NOTCH2NLC: variants seen among roughly 807,000 people sequenced by gnomAD.
The protein encoded by NOTCH2NLC is notch 2 N-terminal like C, also known as notch homolog 2 N-terminal-like protein C.
A neutral mutation model predicts 17.7 loss-of-function variants in NOTCH2NLC; 4 were observed. That is an observed-to-expected ratio of 0.23 (90% CI 0.11 to 0.52). NOTCH2NLC has a LOEUF of 0.52. Ranked by LOEUF, NOTCH2NLC falls within the 20% of genes least tolerant of loss-of-function variation. NOTCH2NLC has a pLI of 0.96. For missense variants in NOTCH2NLC, 57 were observed against 207.2 expected (o/e 0.28, Z 4.45); for synonymous variants, 18 against 86.0 (o/e 0.21, Z 4.38).
chr1:149,449,002 C>T (rs1272429178), intron 2 of NOTCH2NLC, among the ~76,000 whole-genome samples: 1 of 147,460 alleles, frequency 6.8e-6, no homozygotes, highest in Non-Finnish European at 1.5e-5. Flanking sequence ...CTGCCTCAGC[C>T]TCCCGAGTAG....
chr1:149,468,906 A>C lies in NOTCH2NLC; in HGVS notation c.*4753A>C. 9.9e-6 allele frequency among the ~76,000 whole-genome samples: 1 copy of C among 101,278 alleles called. No homozygotes were observed. Among genetic ancestry groups the C allele is most frequent in the African/African-American group, 3.7e-5 (1 of 27,114 alleles). 66.4% of individuals were successfully genotyped at this position (101,278 alleles called of 152,430 possible). On this transcript the variant is annotated 3_prime_UTR_variant, in exon 5 of 5. Coordinates refer to ENST00000650865, the MANE Select transcript of NOTCH2NLC (RefSeq NM_001364013.2). ...CTGGTTGGATAGGGATAGGTCAGGG[A>C]TTCCCTCTTGCATTCTCACACTTGG...
chr1:149,445,871 G>T lies in NOTCH2NLC; in HGVS notation c.210-9447G>T, dbSNP rs1296357089. Among the ~76,000 whole-genome samples the T allele has an allele frequency of 2.7e-4, 21 of 77,920 alleles. 1 individual carries two copies. The highest frequency in any genetic ancestry group is 1.9e-3 in the Admixed American group (12 of 6,388). 51.1% of individuals were successfully genotyped at this position (77,920 alleles called of 152,430 possible). ...GGTGGGGTTTTGCTTTGTTGTTGTT[G>T]TTTTTTTTTGAATGGCCAAATCCTC... On this transcript the variant is annotated intron_variant, in intron 2 of 4. Coordinates refer to ENST00000650865, the MANE Select transcript of NOTCH2NLC (RefSeq NM_001364013.2).
intron 1 of NOTCH2NLC, among the ~76,000 whole-genome samples, chr1:149,424,832 C>T (rs2084403861): frequency 6.6e-6 from 1 of 150,972 alleles, no homozygotes; most frequent in East Asian, 2.0e-4. Flanking sequence ...TGTAACATGG[C>T]AAGAGAGGAG....
chr1:149,413,843 TG>T (rs1430847474), intron 1 of NOTCH2NLC, among the ~76,000 whole-genome samples: 1 of 151,184 alleles, frequency 6.6e-6, no homozygotes, highest in East Asian at 2.0e-4. Context: ...ATTTTCAGCA[TG>T]GTGAGGTGAT....
intron 1 of NOTCH2NLC, among the ~76,000 whole-genome samples, chr1:149,409,358 G>T (rs1376745351): frequency 2.0e-5 from 3 of 150,474 alleles, no homozygotes; most frequent in African/African-American, 7.3e-5. Flanking sequence ...GTGTTGGGAG[G>T]AGGAATAGAC....
chr1:149,436,769 T>G (rs1302416983), intron 2 of NOTCH2NLC, among the ~76,000 whole-genome samples: 3 of 148,344 alleles, frequency 2.0e-5, no homozygotes, highest in South Asian at 4.3e-4. Context: ...CGGTGCCTAT[T>G]TAGCTGAACA....
chr1:149,432,225 T>A (rs1166416967), intron 2 of NOTCH2NLC, among the ~76,000 whole-genome samples: 2 of 147,720 alleles, frequency 1.4e-5, no homozygotes, highest in Admixed American at 1.4e-4. Context: ...TTACCAGGAA[T>A]GTAATTACAA....
chr1:149,395,815 CT>C (rs1356621940), intron 1 of NOTCH2NLC, among the ~76,000 whole-genome samples: 284 of 135,972 alleles, frequency 2.1e-3, no homozygotes, highest in Middle Eastern at 7.6e-3. Flanking sequence ...AGTATATTTG[CT>C]TTTTTTTTTT....
At chr1:149,398,591 C>G (rs2084222139) in intron 1 of NOTCH2NLC, among the ~76,000 whole-genome samples, 1 of 150,874 alleles carries the variant, frequency 6.6e-6, no homozygotes, top group Admixed American at 6.6e-5. Flanking sequence ...CTACTAGCTC[C>G]CCAATAGTTT....
chr1:149,437,083 T>C (rs2084486606), intron 2 of NOTCH2NLC, among the ~76,000 whole-genome samples: 1 of 130,252 alleles, frequency 7.7e-6, no homozygotes, highest in Non-Finnish European at 1.7e-5. Flanking sequence ...TAATTACCAG[T>C]TCATTAACTT....
chr1:149,400,139 A>ATT (rs1176135315), intron 1 of NOTCH2NLC, among the ~76,000 whole-genome samples: 2,142 of 131,686 alleles, frequency 0.016, 59 homozygotes, highest in Middle Eastern at 0.024. Flanking sequence ...TATAATATAT[A>ATT]TTTTTTTTTT....
intron 1 of NOTCH2NLC, among the ~76,000 whole-genome samples, chr1:149,420,135 G>T (rs1234714276): frequency 6.7e-6 from 1 of 150,300 alleles, no homozygotes; most frequent in Non-Finnish European, 1.5e-5. Context: ...CTCCCAAAGT[G>T]CTGGGATTAA....
chr1:149,469,132 T>C lies in NOTCH2NLC; in HGVS notation c.*4979T>C, dbSNP rs1306718148. Among the ~76,000 whole-genome samples the C allele has an allele frequency of 6.8e-6, 1 of 146,368 alleles. No homozygotes were observed. Among genetic ancestry groups the C allele is most frequent in the East Asian group, 2.1e-4 (1 of 4,842 alleles). ...GGTGCCTGCCACCATGCTCAGCTAATTTTTGTATTTTTAGTAAAGATGGGG... is the reference window on the plus strand; with the variant it reads ...GGTGCCTGCCACCATGCTCAGCTAACTTTTGTATTTTTAGTAAAGATGGGG... On this transcript the variant is annotated 3_prime_UTR_variant, in exon 5 of 5. Coordinates refer to ENST00000650865, the MANE Select transcript of NOTCH2NLC (RefSeq NM_001364013.2).
rs1326139935 is a variant in NOTCH2NLC at position 149,394,384 on chromosome 1, A to G, written c.135+3462A>G. Reference sequence around the variant, plus strand: ...GTAACCTTAGTCATTCCAGTGTTTAACACTTCTGACTCAAGAATTTTAAAA... The same window carrying G: ...GTAACCTTAGTCATTCCAGTGTTTAGCACTTCTGACTCAAGAATTTTAAAA... On this transcript the variant is annotated intron_variant, in intron 1 of 4. Transcript: ENST00000650865. Among the ~76,000 whole-genome samples the G allele has an allele frequency of 4.0e-5, 6 of 151,170 alleles. 1 individual carries two copies. The highest frequency in any genetic ancestry group is 6.6e-5 in the Admixed American group (1 of 15,174).
chr1:149,462,262 CTT>C (rs1221242584), intron 3 of NOTCH2NLC, among the ~76,000 whole-genome samples: 1 of 138,156 alleles, frequency 7.2e-6, no homozygotes, highest in African/African-American at 2.7e-5. Flanking sequence ...ATTTTTTTCT[CTT>C]TCTCTTTCTG....
rs1453047714 is a variant in NOTCH2NLC at position 149,461,996 on chromosome 1, G to A, written c.470-1495G>A. Among the ~76,000 whole-genome samples, 869 of 132,420 alleles carry A rather than the reference G, an allele frequency of 6.6e-3. 24 individuals carry two copies. Among genetic ancestry groups the A allele is most frequent in the Non-Finnish European group, 0.011 (658 of 60,996 alleles). The allele number at this position is 132,420 out of a possible 152,430, so 86.9% of individuals were successfully genotyped here. On this transcript the variant is annotated intron_variant, in intron 3 of 4. Transcript: ENST00000650865. ...GGGGCCTGTCGTGGGGTGGTGGGAC[G>A]GGGGAGGGATAGCATTAGGAGATGT...
intron 1 of NOTCH2NLC, among the ~76,000 whole-genome samples, chr1:149,422,822 GA>G (rs1217086790): frequency 8.3e-6 from 1 of 120,438 alleles, no homozygotes; most frequent in East Asian, 2.5e-4. Context: ...AAAATAAAAG[GA>G]AAAACTACAC....
chr1:149,412,127 A>G (rs1302592966), intron 1 of NOTCH2NLC, among the ~76,000 whole-genome samples: 12 of 144,922 alleles, frequency 8.3e-5, no homozygotes, highest in African/African-American at 3.1e-4. Context: ...AAAAAAAAAA[A>G]AAACAAAAAA....
intron 2 of NOTCH2NLC, among the ~76,000 whole-genome samples, chr1:149,446,463 A>C (rs1382143583): frequency 1.4e-5 from 2 of 142,770 alleles, no homozygotes; most frequent in East Asian, 4.3e-4. Flanking sequence ...AACAGTAACA[A>C]TGGAAATGTG....
Sources: allele counts gnomAD v4.1 joint callset (sites outside exome capture counted in the v4.1 genomes callset), GRCh38; gene constraint gnomAD v4.1.1; transcripts MANE v1.5; gene names NCBI Gene and HGNC (gene_info 2026-07-23, HGNC 2026-07-21).